The following HKDC1 variants were observed in gnomAD, a reference collection of about 807,000 sequenced individuals.
HKDC1 encodes the protein hexokinase HKDC1.
Under a neutral mutation model 96.6 loss-of-function variants are expected in HKDC1, and 66 were observed. The observed-to-expected ratio is 0.68, with a 90% CI of 0.56 to 0.84. The LOEUF is 0.84. HKDC1 is among the 40% of genes least tolerant of loss of function. The pLI is 0.00. For missense variants in HKDC1, 1,211 were observed against 1,208.1 expected (o/e 1.00, Z -0.04); for synonymous variants, 466 against 473.1 (o/e 0.98, Z 0.20).
intron 1 of HKDC1, 50 bp downstream of exon 1, chr10:69,220,548 CA>C: frequency 7.6e-7 from 1 of 1,318,604 alleles, no homozygotes; most frequent in Non-Finnish European, 1.0e-6. Flanking sequence ...TCTTCACGGA[CA>C]AAACTGATTC....
At chr10:69,264,922 G>A (rs1408380812) in intron 16 of HKDC1, among the ~76,000 whole-genome samples, 2 of 152,168 alleles carry the variant, frequency 1.3e-5, no homozygotes, top group Non-Finnish European at 2.9e-5. Context: ...CTGCCCCTAT[G>A]ATGGGTGTTT....
chr10:69,256,950 T>C (rs1843724909), intron 12 of HKDC1, 86 bp from the exon 13 acceptor site: 1 of 997,200 alleles, frequency 1.0e-6, no homozygotes. Flanking sequence ...CAGCCAGCTA[T>C]AGTGCTTTGC....
chr10:69,246,311 G>A lies in HKDC1; in HGVS notation c.1031+77G>A, dbSNP rs1843540797. The A allele has an allele frequency of 1.7e-5, 26 of 1,498,278 alleles. No individual in the cohort carries two copies. In the South Asian group the frequency reaches 2.9e-4, roughly 17 times the overall value. The allele number at this position is 1,498,278 out of a possible 1,614,324, so 92.8% of individuals were successfully genotyped here. ...AGGTGTGGGGTGCTCCATGTGGTAG[G>A]ACAGCAGGAGGGACTAGATCCTCCT... On this transcript the variant is annotated intron_variant, in intron 8 of 17. Transcript: ENST00000354624.
chr10:69,227,099 G>A, intron 1 of HKDC1, 108 bp from the exon 2 acceptor site: 2 of 1,243,738 alleles, frequency 1.6e-6, no homozygotes, highest in South Asian at 1.3e-5. Context: ...TCTCAATGCT[G>A]TCCCCAGAGT....
At chr10:69,244,417 A>G (rs1436948764) in intron 7 of HKDC1, among the ~76,000 whole-genome samples, 1 of 152,224 alleles carries the variant, frequency 6.6e-6, no homozygotes, top group Non-Finnish European at 1.5e-5. Flanking sequence ...CACCTACTCC[A>G]GGCACATGCC....
chr10:69,255,490 C>G (rs1015801988), intron 12 of HKDC1, among the ~76,000 whole-genome samples: 1 of 152,186 alleles, frequency 6.6e-6, no homozygotes, highest in Admixed American at 6.5e-5. Context: ...TGTCCCAGAG[C>G]TTCTCCTGGC....
intron 1 of HKDC1, among the ~76,000 whole-genome samples, chr10:69,221,479 A>T (rs901354160): frequency 2.6e-5 from 4 of 152,114 alleles, no homozygotes; most frequent in Admixed American, 2.6e-4. Flanking sequence ...GGCAAAAAGC[A>T]TCTCTCAAAG....
chr10:69,267,353 G>T lies in HKDC1; in HGVS notation c.*596G>T, dbSNP rs1055247205. On this transcript the variant is annotated 3_prime_UTR_variant, in exon 18 of 18. Coordinates refer to ENST00000354624, the MANE Select transcript of HKDC1 (RefSeq NM_025130.4). ...GCCAGGGAGCACTGCAGGAATCATTGCATGCTTAAAGCGAGTTATGTCAGC... is the reference window on the plus strand; with the variant it reads ...GCCAGGGAGCACTGCAGGAATCATTTCATGCTTAAAGCGAGTTATGTCAGC... 2.5e-6 allele frequency: 1 copy of T among 395,854 alleles called. No individual in the cohort carries two copies. Among genetic ancestry groups the T allele is most frequent in the Non-Finnish European group, 4.9e-6 (1 of 203,540 alleles). 24.5% of individuals were successfully genotyped at this position (395,854 alleles called of 1,614,324 possible).
rs1843048919 is a variant in HKDC1, at chr10:69,220,832, A to C, written c.63+334A>C. Among the ~76,000 whole-genome samples the C allele has an allele frequency of 2.0e-5, 3 of 152,308 alleles. No homozygotes were observed. The South Asian group carries it at 6.2e-4, about 32-fold the overall frequency. On this transcript the variant is annotated intron_variant, in intron 1 of 17. Transcript: ENST00000354624. The stretch of plus-strand genomic sequence containing the variant: ...AAAGGCCACAAAGGCGAGGAGAATC[A>C]TTTTCAAAGAAGTTTTAAGAACTGT...
At chr10:69,232,593 A>T (rs1843283607) in intron 2 of HKDC1, 171 bp from the exon 3 acceptor site, 2 of 647,188 alleles carry the variant, frequency 3.1e-6, no homozygotes, top group Non-Finnish European at 5.3e-6. Flanking sequence ...TCTGCGCCTT[A>T]CCTCGAGGGC....
chr10:69,264,856 C>T (rs1018979952), intron 16 of HKDC1, among the ~76,000 whole-genome samples: 2 of 152,150 alleles, frequency 1.3e-5, no homozygotes, highest in African/African-American at 4.8e-5. Context: ...GTCAGGGCTC[C>T]GTTTAAGTAC....
intron 4 of HKDC1, among the ~76,000 whole-genome samples, chr10:69,237,317 G>GTGTGTA (rs1224895692): frequency 7.0e-6 from 1 of 142,902 alleles, no homozygotes; most frequent in Admixed American, 6.9e-5. Context: ...GTGTGTGTGT[G>GTGTGTA]TTTTCTGATA....
chr10:69,250,581 G>GGCC lies in HKDC1; in HGVS notation c.1766_1768dup (p.Gly589_Leu590insArg), dbSNP rs760736466. On this transcript the variant is annotated inframe_insertion, in exon 12 of 18. Transcript: ENST00000354624. ...CATCGCCGACTTCCTGGACTACATG[G>GGCC]GCCTCAAGGGAGCCTCCCTACCTTT... 1 of 1,614,032 alleles carries GGCC rather than the reference G, an allele frequency of 6.2e-7. No homozygotes were observed. Among genetic ancestry groups the GGCC allele is most frequent in the Non-Finnish European group, 8.5e-7 (1 of 1,180,008 alleles).
In HKDC1 at chr10:69,243,278, C is replaced by A. The variant is rs1259883986; in HGVS notation, c.788C>A (p.Ala263Asp). The A allele has an allele frequency of 6.2e-7, 1 of 1,613,840 alleles. No individual in the cohort carries two copies. Among genetic ancestry groups the A allele is most frequent in the African/African-American group, 1.3e-5 (1 of 74,908 alleles). ...ATGTGCATCAACACAGAGTGGGGGG[C>A]CTTCGGGGACGACGGGGCCCTGGAG... ...GRMCINTEWG[A>D]FGDDGALEDI... Residue 263 changes from alanine to aspartate, a missense_variant, in exon 7 of 18, where the codon GCC becomes GAC. Ala to Asp is a moderately radical substitution (Grantham distance 126, BLOSUM62 -2). Transcript: ENST00000354624.
At chr10:69,259,750 G>A (rs998749726) in intron 15 of HKDC1, among the ~76,000 whole-genome samples, 3 of 152,186 alleles carry the variant, frequency 2.0e-5, no homozygotes, top group Non-Finnish European at 4.4e-5. Flanking sequence ...GGAGAAGGAG[G>A]AAGAAAGAGT....
At chr10:69,265,489 G>A (rs1262557864) in intron 16 of HKDC1, 96 bp from the exon 17 acceptor site, 2 of 1,070,364 alleles carry the variant, frequency 1.9e-6, no homozygotes, top group Admixed American at 2.1e-5. Flanking sequence ...CCTCCCTCCT[G>A]TAAGGGCATC....
intron 5 of HKDC1, among the ~76,000 whole-genome samples, chr10:69,240,447 G>C (rs1323188031): frequency 1.3e-5 from 2 of 152,174 alleles, no homozygotes; most frequent in Non-Finnish European, 1.5e-5. Flanking sequence ...GCAAGAGGAT[G>C]GGCTCCCCTC....
intron 4 of HKDC1, among the ~76,000 whole-genome samples, chr10:69,235,527 G>A (rs760872651): frequency 6.6e-6 from 1 of 152,172 alleles, no homozygotes; most frequent in Non-Finnish European, 1.5e-5. Context: ...GGCAGAGAAA[G>A]GTCCTAGGAG....
rs898127008 is a variant in HKDC1 at position 69,250,155 on chromosome 10, C to T, written c.1571-135C>T. On this transcript the variant is annotated intron_variant, in intron 10 of 17. Transcript: ENST00000354624. Reference sequence around the variant, plus strand: ...GGGGCCCGGGCACTGTGCAGGGTGGCCCCCACGACCCTCTGGTCTATGAGG... The same window carrying T: ...GGGGCCCGGGCACTGTGCAGGGTGGTCCCCACGACCCTCTGGTCTATGAGG... 17 of 976,740 alleles carry T rather than the reference C, an allele frequency of 1.7e-5. No homozygotes were observed. The African/African-American group carries it at 1.8e-4, about 10-fold the overall frequency. 60.5% of individuals were successfully genotyped at this position (976,740 alleles called of 1,614,324 possible). A position where few individuals can be genotyped will look rare whatever the true frequency, so the allele number is the denominator to read the frequency against.
Sources: gnomAD v4.1 joint callset for allele counts (sites outside exome capture counted in the v4.1 genomes callset) on GRCh38, gnomAD v4.1.1 for gene constraint, MANE v1.5 for transcripts, NCBI Gene and HGNC (gene_info 2026-07-23, HGNC 2026-07-21) for gene names.